The following LETMD1 variants were observed in gnomAD, a reference collection of about 807,000 sequenced individuals.
LETMD1 encodes LETM1 domain containing 1.
A neutral mutation model predicts 43.9 loss-of-function variants in LETMD1; 30 were observed. The ratio of observed to expected loss-of-function variants is 0.68; its 90% confidence interval spans 0.51 to 0.93. LETMD1 has a LOEUF of 0.93. Among genes scored for constraint, LETMD1 ranks in the 40% least tolerant of loss-of-function variants. The pLI, the probability that LETMD1 is intolerant of heterozygous loss-of-function variation, is 0.00. For missense variants in LETMD1, 413 were observed against 447.7 expected (o/e 0.92, Z 0.70); for synonymous variants, 176 against 163.1 (o/e 1.08, Z -0.60).
downstream of LETMD1, chr12:51,062,663 G>A (rs929477082): frequency 6.6e-6 from 1 of 152,132 alleles, no homozygotes; most frequent in Non-Finnish European, 1.5e-5. Context: ...AATTGAACTG[G>A]AACAGTATAA....
At chr12:51,056,656 A>T (rs1331717454) in intron 7 of LETMD1, 154 bp downstream of exon 7, 3 of 566,512 alleles carry the variant, frequency 5.3e-6, no homozygotes, top group Non-Finnish European at 8.8e-6. Flanking sequence ...ATTTATTTTT[A>T]TTTATTTATT....
chr12:51,059,444 G>A lies in LETMD1; in HGVS notation c.*13G>A. ...GACAAGGCGCTGAATGAACCATGGA[G>A]CGGATGGCATTGTCCTGCAGTCGTA... On this transcript the variant is annotated 3_prime_UTR_variant, in exon 9 of 9. Coordinates refer to ENST00000262055, the MANE Select transcript of LETMD1 (RefSeq NM_015416.5). The A allele has an allele frequency of 6.2e-7, 1 of 1,612,792 alleles. No individual in the cohort carries two copies. Among genetic ancestry groups the A allele is most frequent in the Non-Finnish European group, 8.5e-7 (1 of 1,178,732 alleles).
chr12:51,067,862 G>A, the LETMD1 span: 1 of 1,614,214 alleles, frequency 6.2e-7, no homozygotes, highest in Non-Finnish European at 8.5e-7. This position sits in a 1 kb window ranked among gnomAD's most constrained non-coding sequence, Gnocchi z 4.1. Context: ...GCTGCAGGAA[G>A]AAGTAATCAT....
the LETMD1 span, chr12:51,067,633 C>T: frequency 1.3e-6 from 2 of 1,589,178 alleles, no homozygotes; most frequent in Non-Finnish European, 1.7e-6. This position sits in a 1 kb window ranked among gnomAD's most constrained non-coding sequence, Gnocchi z 4.1. Context: ...CCCCGCTGAC[C>T]CTGGTGTAGA....
At chr12:51,052,019 A>G (rs1334128811) in intron 2 of LETMD1, 73 bp from the exon 3 acceptor site, 1 of 1,369,188 alleles carries the variant, frequency 7.3e-7, no homozygotes, top group East Asian at 2.4e-5. Context: ...GTGATTGAAC[A>G]TGGAGTAGGA....
Position 51,056,018 on chromosome 12 carries a change from C to G in LETMD1, c.657C>G (p.Thr219=), listed in dbSNP as rs1947600053. The part of the protein sequence containing the change: ...GLRWRLTDLC[T]KIQRGTHPAI... ...GGTGGCGTCTGACAGATCTGTGCACCAAGGTATTCCTGCAGTTAACCCTTC... is the reference window on the plus strand; with the variant it reads ...GGTGGCGTCTGACAGATCTGTGCACGAAGGTATTCCTGCAGTTAACCCTTC... The change falls in exon 5 of 9, where the codon ACC becomes ACG. Residue 219 remains threonine (T), a synonymous_variant. Coordinates refer to ENST00000262055, the MANE Select transcript of LETMD1 (RefSeq NM_015416.5). 1.2e-6 allele frequency: 2 copies of G among 1,613,128 alleles called. No homozygotes were observed. Among genetic ancestry groups the G allele is most frequent in the East Asian group, 2.2e-5 (1 of 44,892 alleles).
chr12:51,067,939 C>T, the LETMD1 span: 3 of 1,614,146 alleles, frequency 1.9e-6, no homozygotes, highest in Non-Finnish European at 2.5e-6. This position sits in a 1 kb window ranked among gnomAD's most constrained non-coding sequence, Gnocchi z 4.1. Flanking sequence ...CCATCAGCCT[C>T]CACCGACTCC....
At chr12:51,064,256 G>A, downstream of LETMD1, 4 of 1,613,218 alleles carry the variant, frequency 2.5e-6, no homozygotes, top group Non-Finnish European at 2.5e-6. Flanking sequence ...GGGCTGTAAG[G>A]CCTGGGCACA....
downstream of LETMD1, among the ~76,000 whole-genome samples, chr12:51,061,012 A>G (rs1182392051): frequency 6.6e-6 from 1 of 152,138 alleles, no homozygotes; most frequent in East Asian, 1.9e-4. Context: ...CTGAACAGGT[A>G]CACAAGGGCA....
In LETMD1 at chr12:51,052,183, C is replaced by T. The variant is rs777514041; in HGVS notation, c.366C>T (p.Tyr122=). 2 of 1,613,740 alleles carry T rather than the reference C, an allele frequency of 1.2e-6. No homozygotes were observed. Among genetic ancestry groups the T allele is most frequent in the South Asian group, 2.2e-5 (2 of 91,070 alleles). ...KHNIKFHQLP[Y]REMEHLRQFR... ...ATATAAAGTTTCATCAACTTCCATA[C>T]CGGGAGATGGAGCATTTGAGACAGG... is the stretch of plus-strand genomic sequence containing the variant. Residue 122 remains tyrosine, a synonymous_variant, in exon 3 of 9, where the codon TAC becomes TAT. Coordinates refer to ENST00000262055, the MANE Select transcript of LETMD1 (RefSeq NM_015416.5).
chr12:51,066,501 C>A, the LETMD1 span, among the ~76,000 whole-genome samples: 1 of 147,592 alleles, frequency 6.8e-6, no homozygotes, highest in Non-Finnish European at 1.5e-5. Flanking sequence ...ATTAGCCGGG[C>A]ATAGTGGTGC....
At chr12:51,048,749 C>T in intron 1 of LETMD1, 1 of 593,054 alleles carries the variant, frequency 1.7e-6, no homozygotes, top group Non-Finnish European at 3.0e-6. Context: ...CCGCTGCTAT[C>T]TCGATTCCAC....
At chr12:51,064,183 C>T, downstream of LETMD1, 2 of 1,614,168 alleles carry the variant, frequency 1.2e-6, no homozygotes, top group East Asian at 2.2e-5. Context: ...GTTGGGTGGT[C>T]TGAGTTCTCG....
At chr12:51,063,736 C>G (rs778785019), downstream of LETMD1, 4 of 1,529,532 alleles carry the variant, frequency 2.6e-6, no homozygotes, top group Non-Finnish European at 3.5e-6. Flanking sequence ...GGCAGGACCT[C>G]TAGCGCCTGT....
chr12:51,052,349 T>G, intron 3 of LETMD1, 142 bp downstream of exon 3: 2 of 887,184 alleles, frequency 2.3e-6, no homozygotes. Context: ...TTGAACTGAA[T>G]GAGGCATCAG....
chr12:51,056,147 C>T lies in LETMD1; in HGVS notation c.664C>T (p.Gln222Ter). 6.2e-7 allele frequency: 1 copy of T among 1,614,040 alleles called. No homozygotes were observed. Among genetic ancestry groups the T allele is most frequent in the Non-Finnish European group, 8.5e-7 (1 of 1,179,882 alleles). Reference protein sequence around the residue: ...WRLTDLCTKIQRGTHPAIHDI... With the variant: ...WRLTDLCTKI ...CAAATCTCTTACCTCTTCCAAGATACAGCGTGGTACCCACCCAGCAATACA... is the reference window on the plus strand; with the variant it reads ...CAAATCTCTTACCTCTTCCAAGATATAGCGTGGTACCCACCCAGCAATACA... The change falls in exon 6 of 9, where the codon CAG (glutamine) becomes TAG (stop). Residue 222 changes from glutamine (Q) to a stop codon, truncating the protein, a stop_gained. Transcript: ENST00000262055. LOFTEE classifies it high-confidence loss of function.
chr12:51,064,172 A>C (rs775088380), downstream of LETMD1: 36 of 1,613,992 alleles, frequency 2.2e-5, no homozygotes, highest in Middle Eastern at 1.6e-4. Context: ...CCGTTGAGGC[A>C]GTTGGGTGGT....
chr12:51,058,070 T>C lies in LETMD1; in HGVS notation c.954T>C (p.Gly318=), dbSNP rs1566143345. 1 of 1,613,832 alleles carries C rather than the reference T, an allele frequency of 6.2e-7. No individual in the cohort carries two copies. The highest frequency in any genetic ancestry group is 2.2e-5 in the East Asian group (1 of 44,892). The change falls in exon 8 of 9, where the codon GGT becomes GGC. Residue 318 remains glycine (G), a synonymous_variant. Coordinates refer to ENST00000262055, the MANE Select transcript of LETMD1 (RefSeq NM_015416.5). ...GTGGCCTGAATTCTACGCATATTGGTGAAGATAGGTGTCGAACTTGGCTGG... is the reference window on the plus strand; with the variant it reads ...GTGGCCTGAATTCTACGCATATTGGCGAAGATAGGTGTCGAACTTGGCTGG... ...YLRGLNSTHI[G]EDRCRTWLGE... is the part of the protein sequence containing the mutation.
At chr12:51,063,721 T>A, downstream of LETMD1, 1 of 1,486,444 alleles carries the variant, frequency 6.7e-7, no homozygotes, top group Non-Finnish European at 9.0e-7. Context: ...AGAGAATGGG[T>A]AAGAGGCAGG....
Sources: allele counts gnomAD v4.1 joint callset (sites outside exome capture counted in the v4.1 genomes callset), GRCh38; gene constraint gnomAD v4.1.1; non-coding constraint Gnocchi (gnomAD v3.1); transcripts MANE v1.5; gene names NCBI Gene and HGNC (gene_info 2026-07-23, HGNC 2026-07-21).